Variants in TNS1 observed in about 807,000 individuals in gnomAD.
TNS1 encodes the protein tensin 1, also known as tensin-1.
A neutral mutation model predicts 168.6 loss-of-function variants in TNS1; 62 were observed. The observed-to-expected ratio is 0.37, with a 90% CI of 0.30 to 0.45. The LOEUF (loss-of-function observed/expected upper bound fraction) is 0.45. Ranked by LOEUF, TNS1 falls within the 20% of genes least tolerant of loss-of-function variation. TNS1 has a pLI of 1.00. For synonymous variants in TNS1, 934 were observed against 933.2 expected, an observed-to-expected ratio of 1.00 and a Z score of -0.02; for missense variants, 2,240 against 2,339.4, an observed-to-expected ratio of 0.96 and a Z score of 0.88.
At chr2:217,844,210 T>C (rs576371537) in intron 19 of TNS1, among the ~76,000 whole-genome samples, 1 of 152,270 alleles carries the variant, frequency 6.6e-6, no homozygotes, top group South Asian at 2.1e-4. Flanking sequence ...ATTCCTATGG[T>C]CAGCACCCTA....
rs1956690310 is a variant in TNS1, at chr2:217,937,655, G to A, written c.187-17419C>T. On this transcript the variant is annotated intron_variant, in intron 3 of 32. Coordinates refer to ENST00000682258, the MANE Select transcript of TNS1 (RefSeq NM_001387777.1). ...AAGTTCCACAGCGTTGGGACTGGGG[G>A]ACGCCCAGCAGAGGCCCCGGGGAGA... is the stretch of plus-strand genomic sequence containing the variant. Among the ~76,000 whole-genome samples, 3 of 152,172 alleles carry A rather than the reference G, an allele frequency of 2.0e-5. No individual in the cohort carries two copies. The South Asian group carries it at 6.2e-4, about 32-fold the overall frequency.
At chr2:217,820,059 G>A (rs960386346) in intron 23 of TNS1, among the ~76,000 whole-genome samples, 4 of 152,200 alleles carry the variant, frequency 2.6e-5, no homozygotes, top group Admixed American at 1.3e-4. Flanking sequence ...CATCCCAGAA[G>A]GGGCCAAAGC....
intron 3 of TNS1, among the ~76,000 whole-genome samples, chr2:217,928,931 C>T (rs183803166): frequency 2.0e-5 from 3 of 152,304 alleles, no homozygotes; most frequent in African/African-American, 7.2e-5. Flanking sequence ...CACCTCTAAC[C>T]ACACCCACAC....
chr2:217,932,297 G>C (rs372215854), intron 3 of TNS1, among the ~76,000 whole-genome samples: 10 of 152,236 alleles, frequency 6.6e-5, no homozygotes, highest in African/African-American at 2.4e-4. Flanking sequence ...TCAAATGCCA[G>C]TTTTGCTACA....
At chr2:217,916,806 G>A (rs189028402) in intron 4 of TNS1, among the ~76,000 whole-genome samples, 192 of 152,264 alleles carry the variant, frequency 1.3e-3, no homozygotes, top group African/African-American at 3.9e-3. Context: ...CCAGGGGTTG[G>A]AATTTAAGCA....
chr2:217,946,969 T>TCTCACACACACACACACACA (rs1553618866), intron 3 of TNS1, among the ~76,000 whole-genome samples: 1 of 118,810 alleles, frequency 8.4e-6, no homozygotes, highest in African/African-American at 4.1e-5. Flanking sequence ...TCTCTCTCTC[T>TCTCACACACACACACACACA]CACACACACA....
intron 1 of TNS1, among the ~76,000 whole-genome samples, chr2:218,021,261 G>C (rs779251859): frequency 6.6e-6 from 1 of 152,236 alleles, no homozygotes; most frequent in Non-Finnish European, 1.5e-5. Context: ...GGCTTGGGAA[G>C]GGCAGGCCAC....
chr2:217,982,236 C>T (rs992356579), intron 2 of TNS1, among the ~76,000 whole-genome samples: 2 of 152,138 alleles, frequency 1.3e-5, no homozygotes, highest in Non-Finnish European at 2.9e-5. Context: ...ACTGGATCCT[C>T]CAGCCCCAGT....
At chr2:217,973,049 T>G (rs376746000) in intron 3 of TNS1, among the ~76,000 whole-genome samples, 13 of 152,056 alleles carry the variant, frequency 8.5e-5, no homozygotes, top group Middle Eastern at 3.2e-3. Flanking sequence ...ACAGCACATG[T>G]GCTAACATAA....
chr2:218,025,938 G>T (rs1200982280), intron 1 of TNS1, among the ~76,000 whole-genome samples: 1 of 152,160 alleles, frequency 6.6e-6, no homozygotes, highest in East Asian at 1.9e-4. Context: ...GCATCCTCCA[G>T]GCCTCTTTTC....
Position 217,897,950 on chromosome 2 carries a change from T to C in TNS1, c.391A>G (p.Thr131Ala), listed in dbSNP as rs113181713. The change falls in exon 8 of 33, where the codon ACC becomes GCC. Residue 131 changes from threonine to alanine, a missense_variant. Thr to Ala is a moderately conservative substitution (Grantham distance 58). Transcript: ENST00000682258. ...QPIRNMSVSR[T>A]MEDSCELDLV... ...TCCAGCTCACAGCTGTCCTCCATGG[T>C]CCGGCTCACACTCATGTTTCTAGGG... 4.1e-3 allele frequency: 6,573 copies of C among 1,609,302 alleles called. 146 individuals carry two copies. In the African/African-American group the frequency reaches 0.053, roughly 13 times the overall value.
chr2:218,029,810 T>G (rs1159595388), intron 1 of TNS1, among the ~76,000 whole-genome samples: 1 of 152,210 alleles, frequency 6.6e-6, no homozygotes, highest in Non-Finnish European at 1.5e-5. Flanking sequence ...CACTGTTCTG[T>G]TTCTAGACTC....
rs775913360 is a variant in TNS1 at position 217,813,195 on chromosome 2, G to C, written c.4954+20C>G. 6 of 1,581,948 alleles carry C rather than the reference G, an allele frequency of 3.8e-6. No homozygotes were observed. In the Admixed American group the frequency reaches 1.0e-4, roughly 27 times the overall value. ...AGACTCAGGCCAGACTGTAGAGATG[G>C]GGGCAGGGGGACAGCTCACCGAAGT... On this transcript the variant is annotated intron_variant, in intron 27 of 32. Coordinates refer to ENST00000682258, the MANE Select transcript of TNS1 (RefSeq NM_001387777.1). The surrounding 1 kb of genome is among the most constrained non-coding windows in gnomAD (Gnocchi z 4.0).
rs369800859 is a variant in TNS1 at position 218,022,323 on chromosome 2, C to T, written c.156+11497G>A. 7.2e-5 allele frequency among the ~76,000 whole-genome samples: 11 copies of T among 152,296 alleles called. No homozygotes were observed. In the East Asian group the frequency reaches 1.4e-3, roughly 19 times the overall value. On this transcript the variant is annotated intron_variant, in intron 1 of 1. Coordinates refer to the TNS1 transcript ENST00000649572. ...CCTACCCCACCATGCCCAGGCCTGA[C>T]GGCCTCCTCTCAAAAGCCGCAGCCT...
At chr2:217,903,743 G>T in intron 6 of TNS1, 1 of 781,340 alleles carries the variant, frequency 1.3e-6, no homozygotes, top group Non-Finnish European at 2.1e-6. Flanking sequence ...TGCAGATTCA[G>T]CCAACTCTTT....
chr2:217,839,441 T>C (rs1945634750), intron 19 of TNS1, among the ~76,000 whole-genome samples: 1 of 152,032 alleles, frequency 6.6e-6, no homozygotes, highest in African/African-American at 2.4e-5. Flanking sequence ...AGCAGCCCCC[T>C]TCCCAGGGAG....
At chr2:217,989,895 C>T (rs1304195777) in intron 2 of TNS1, among the ~76,000 whole-genome samples, 4 of 152,062 alleles carry the variant, frequency 2.6e-5, no homozygotes, top group African/African-American at 9.7e-5. Flanking sequence ...ACAGCTTCTA[C>T]ATACAGACCA....
intron 3 of TNS1, chr2:217,937,030 C>A: frequency 2.2e-6 from 1 of 456,764 alleles, no homozygotes; most frequent in Non-Finnish European, 4.4e-6. Flanking sequence ...GAAGTCTTTG[C>A]CCCTTTTCCT....
chr2:217,848,399 G>A lies in TNS1; in HGVS notation c.2118C>T (p.Ser706=). 1 of 1,584,602 alleles carries A rather than the reference G, an allele frequency of 6.3e-7. No individual in the cohort carries two copies. The highest frequency in any genetic ancestry group is 8.6e-7 in the Non-Finnish European group (1 of 1,163,920). Residue 706 remains serine (S), a synonymous_variant, in exon 19 of 33, where the codon TCC becomes TCT. Transcript: ENST00000682258. Reference sequence around the variant, plus strand: ...CAGCTAAACCCTCCTGTGCAGAGTAGGAGGGCCGCATGGGGGCCGTGTGGC... The same window carrying A: ...CAGCTAAACCCTCCTGTGCAGAGTAAGAGGGCCGCATGGGGGCCGTGTGGC... ...HAGHTAPMRP[S]YSAQEGLAGY... is the part of the protein sequence containing the mutation.
Sources: allele counts gnomAD v4.1 joint callset (sites outside exome capture counted in the v4.1 genomes callset), GRCh38; gene constraint gnomAD v4.1.1; non-coding constraint Gnocchi (gnomAD v3.1); transcripts MANE v1.5; gene names NCBI Gene and HGNC (gene_info 2026-07-23, HGNC 2026-07-21).